FNDC3B: variants seen among roughly 807,000 people sequenced by gnomAD.
FNDC3B encodes the protein fibronectin type III domain containing 3B.
In FNDC3B, 12 loss-of-function variants were observed where a neutral mutation model predicts 151.5. That is an observed-to-expected ratio of 0.08 (90% CI 0.05 to 0.13). The LOEUF (loss-of-function observed/expected upper bound fraction) is 0.13, where lower values mean the gene tolerates loss of function less well. FNDC3B is among the 10% of genes least tolerant of loss of function. The probability of loss-of-function intolerance (pLI) is 1.00; values close to 1 mark genes in which losing one functional copy is unlikely to be tolerated. For missense variants in FNDC3B, 1,214 were observed against 1,505.3 expected, an observed-to-expected ratio of 0.81 and a Z score of 3.20; for synonymous variants, 528 against 549.0, an observed-to-expected ratio of 0.96 and a Z score of 0.54.
In FNDC3B at chr3:172,112,557, G is replaced by GC. The variant is rs1459496547; in HGVS notation, c.82dup (p.His28ProfsTer17). On this transcript the variant is annotated frameshift_variant, in exon 2 of 26. Transcript: ENST00000415807. LOFTEE classifies it high-confidence loss of function. The stretch of plus-strand genomic sequence containing the variant: ...TGCTGAACGGAGAGGTAGCCATGAT[G>GC]CCCCACTTGGTGAATGGAGATGCAG... 1 of 1,614,010 alleles carries GC rather than the reference G, an allele frequency of 6.2e-7. No homozygotes were observed. The highest frequency in any genetic ancestry group is 1.7e-5 in the Admixed American group (1 of 60,020).
intron 4 of FNDC3B, 86 bp downstream of exon 4, chr3:172,227,033 C>T: frequency 3.1e-6 from 3 of 960,116 alleles, no homozygotes; most frequent in Non-Finnish European, 5.1e-6. Context: ...AAGCCATATT[C>T]CAGGAGTTAA....
chr3:172,294,266 A>G lies in FNDC3B; in HGVS notation c.850-1097A>G, dbSNP rs1355024698. 2.0e-5 allele frequency among the ~76,000 whole-genome samples: 3 copies of G among 152,322 alleles called. 1 individual carries two copies. The South Asian group carries it at 6.2e-4, about 32-fold the overall frequency. ...GGGAAGTGTATTAGTCTGTTCTCGC[A>G]TTGCTATGAAGAGCTACCTGAGATT... On this transcript the variant is annotated intron_variant, in intron 7 of 25. Transcript: ENST00000415807.
chr3:172,187,234 A>T (rs1724233109), intron 3 of FNDC3B: 1 of 152,720 alleles, frequency 6.5e-6, no homozygotes, highest in South Asian at 2.1e-4. Flanking sequence ...TGTACTTTTT[A>T]AAAAATGGGA....
chr3:172,387,586 G>A (rs1359232265), intron 25 of FNDC3B, among the ~76,000 whole-genome samples: 1 of 152,102 alleles, frequency 6.6e-6, no homozygotes, highest in Non-Finnish European at 1.5e-5. Context: ...GATTCTTAGG[G>A]CTTTTTTAGT....
chr3:172,133,454 A>T lies in FNDC3B; in HGVS notation c.112-17A>T, dbSNP rs116529569. The T allele has an allele frequency of 1.2e-6, 2 of 1,600,672 alleles. No individual in the cohort carries two copies. Among genetic ancestry groups the T allele is most frequent in the African/African-American group, 1.3e-5 (1 of 74,570 alleles). On this transcript the variant is annotated splice_polypyrimidine_tract_variant and intron_variant, in intron 2 of 25. Transcript: ENST00000415807. ...AGGTTCCAGTATTAAACTGAAATTA[A>T]TGTGTTGTTTTGGCAGGTTATTCTC...
intron 3 of FNDC3B, among the ~76,000 whole-genome samples, chr3:172,197,552 C>A (rs75953282): frequency 1.3e-5 from 2 of 152,198 alleles, no homozygotes; most frequent in Non-Finnish European, 2.9e-5. Flanking sequence ...CCCACAAAAT[C>A]CTTTATAGCA....
chr3:172,184,192 A>T (rs1198876558), intron 3 of FNDC3B: 2 of 152,138 alleles, frequency 1.3e-5, no homozygotes, highest in Non-Finnish European at 2.9e-5. Context: ...AGCCCTTTTA[A>T]TCTCTGCGCT....
At chr3:172,329,977 A>G (rs1053726995) in intron 12 of FNDC3B, 1 of 152,246 alleles carries the variant, frequency 6.6e-6, no homozygotes, top group Non-Finnish European at 1.5e-5. Context: ...ATTGATTTGA[A>G]GGCTCCTTGA....
chr3:172,387,393 T>C (rs28572256), intron 25 of FNDC3B, among the ~76,000 whole-genome samples: 23,637 of 152,258 alleles, frequency 0.16, 2,707 homozygotes, highest in East Asian at 0.6. Flanking sequence ...CCACCATGCC[T>C]GTCCCCTTCA....
intron 9 of FNDC3B, among the ~76,000 whole-genome samples, chr3:172,306,272 A>G (rs1232975097): frequency 1.3e-5 from 2 of 152,216 alleles, no homozygotes; most frequent in Non-Finnish European, 2.9e-5. Context: ...AGGATGAACA[A>G]GGGGAATAGG....
intron 3 of FNDC3B, among the ~76,000 whole-genome samples, chr3:172,206,684 A>AAAAAAAAAAAAAAAAAG (rs1553772985): frequency 7.2e-6 from 1 of 139,454 alleles, no homozygotes; most frequent in African/African-American, 2.8e-5. Context: ...AAAAAAAAAA[A>AAAAAAAAAAAAAAAAAG]AAAGTATATT....
At chr3:172,167,082 G>GC (rs1389810349) in intron 3 of FNDC3B, among the ~76,000 whole-genome samples, 1 of 152,048 alleles carries the variant, frequency 6.6e-6, no homozygotes, top group Non-Finnish European at 1.5e-5. Flanking sequence ...CTTAAATATT[G>GC]CGTTGTTTGT....
intron 1 of FNDC3B, among the ~76,000 whole-genome samples, chr3:172,092,170 A>G (rs1718869900): frequency 6.6e-6 from 1 of 152,084 alleles, no homozygotes; most frequent in African/African-American, 2.4e-5. Context: ...TCCTATGTCA[A>G]ACAGAGCAGC....
intron 3 of FNDC3B, among the ~76,000 whole-genome samples, chr3:172,200,074 G>T (rs1341073429): frequency 6.6e-6 from 1 of 152,122 alleles, no homozygotes; most frequent in African/African-American, 2.4e-5. Flanking sequence ...GGGGGCCAGA[G>T]CCTATCCTGA....
chr3:172,199,212 C>T (rs1378736701), intron 3 of FNDC3B, among the ~76,000 whole-genome samples: 1 of 144,746 alleles, frequency 6.9e-6, no homozygotes, highest in Non-Finnish European at 1.5e-5. Flanking sequence ...GACGGAGTCT[C>T]GCTGTCGCCC....
chr3:172,166,918 C>A (rs1012716707), intron 3 of FNDC3B, among the ~76,000 whole-genome samples: 3 of 152,098 alleles, frequency 2.0e-5, no homozygotes, highest in Admixed American at 6.6e-5. Context: ...ATATTGTTGT[C>A]ATTTGCTTTT....
chr3:172,251,471 T>C lies in FNDC3B; in HGVS notation c.720T>C (p.Ser240=), dbSNP rs751894723. ...SGGSGGGGSG[S]GPGIKKTERR... ...GAAGTGGCGGAGGCGGCAGCGGTAG[T>C]GGTCCCGGAATTAAGAAAACAGAGC... Residue 240 remains serine, a synonymous_variant, in exon 6 of 26, where the codon AGT becomes AGC. Coordinates refer to ENST00000415807, the MANE Select transcript of FNDC3B (RefSeq NM_022763.4). The C allele has an allele frequency of 4.3e-6, 7 of 1,614,080 alleles. No homozygotes were observed. The South Asian group carries it at 7.7e-5, about 18-fold the overall frequency.
At chr3:172,324,762 T>C (rs1732258879) in intron 11 of FNDC3B, among the ~76,000 whole-genome samples, 1 of 152,238 alleles carries the variant, frequency 6.6e-6, no homozygotes, top group Non-Finnish European at 1.5e-5. Flanking sequence ...GTGAGGTCAG[T>C]AGCCCAGTGG....
intron 2 of FNDC3B, among the ~76,000 whole-genome samples, chr3:172,115,564 A>G (rs1207881562): frequency 6.6e-6 from 1 of 152,190 alleles, no homozygotes; most frequent in Non-Finnish European, 1.5e-5. Context: ...AGTGATCTAT[A>G]TGAATGTTTT....
Sources: allele counts gnomAD v4.1 joint callset (sites outside exome capture counted in the v4.1 genomes callset), GRCh38; gene constraint gnomAD v4.1.1; transcripts MANE v1.5; gene names NCBI Gene and HGNC (gene_info 2026-07-23, HGNC 2026-07-21).